AJAP1: variants seen among roughly 807,000 people sequenced by gnomAD.
AJAP1 encodes the protein adherens junctions associated protein 1.
Under a neutral mutation model 35.0 loss-of-function variants are expected in AJAP1, and 5 were observed. The ratio of observed to expected loss-of-function variants is 0.14; its 90% confidence interval spans 0.07 to 0.30. The LOEUF (loss-of-function observed/expected upper bound fraction) is 0.30, where lower values mean the gene tolerates loss of function less well. Among genes scored for constraint, AJAP1 ranks in the 10% least tolerant of loss-of-function variants. AJAP1 has a pLI of 1.00. For synonymous variants in AJAP1, 284 were observed against 249.3 expected (o/e 1.14, Z -1.31); for missense variants, 586 against 571.0 (o/e 1.03, Z -0.27).
In AJAP1 at chr1:4,789,843, T is replaced by TA. The variant is rs1242190230; in HGVS notation, c.*7359dup. The TA allele has an allele frequency of 2.0e-5, 3 of 151,008 alleles. No homozygotes were observed. In the East Asian group the frequency reaches 5.8e-4, roughly 29 times the overall value. 9.4% of individuals were successfully genotyped at this position (151,008 alleles called of 1,614,324 possible). A position where few individuals can be genotyped will look rare whatever the true frequency, so the allele number is the denominator to read the frequency against. The stretch of plus-strand genomic sequence containing the variant: ...GGCACCATTATGTACGATGAAGACT[T>TA]ACAGCCACTGCTAATACAGCATAGG... On this transcript the variant is annotated 3_prime_UTR_variant, in exon 6 of 6. Coordinates refer to ENST00000378191, the MANE Select transcript of AJAP1 (RefSeq NM_018836.4). This position sits in a 1 kb window ranked among gnomAD's most constrained non-coding sequence, Gnocchi z 4.4.
chr1:4,725,316 G>A (rs1354837051), intron 2 of AJAP1, among the ~76,000 whole-genome samples: 1 of 152,206 alleles, frequency 6.6e-6, no homozygotes, highest in East Asian at 1.9e-4. Context: ...TGTGGGGAAG[G>A]GATGTGAGTG....
intron 1 of AJAP1, among the ~76,000 whole-genome samples, chr1:4,698,276 C>G (rs867566983): frequency 4.5e-4 from 68 of 152,288 alleles, no homozygotes; most frequent in African/African-American, 1.6e-3. Flanking sequence ...ACGCCGCTGT[C>G]CCCTGAGAGC....
At chr1:4,663,855 A>G (rs1224929990) in intron 1 of AJAP1, among the ~76,000 whole-genome samples, 1 of 152,158 alleles carries the variant, frequency 6.6e-6, no homozygotes, top group African/African-American at 2.4e-5. Context: ...CCGTGTCTGC[A>G]TAGGACATGG....
At chr1:4,747,786 A>G (rs368940) in intron 2 of AJAP1, among the ~76,000 whole-genome samples, 98,757 of 151,786 alleles carry the variant, frequency 0.65, 33,007 homozygotes, top group Non-Finnish European at 0.68. Context: ...TCAGGAGTTT[A>G]AGACCAGCCT....
Position 4,701,464 on chromosome 1 carries a change from A to G in AJAP1, c.30-10436A>G, listed in dbSNP as rs189752153. On this transcript the variant is annotated intron_variant, in intron 1 of 5. Coordinates refer to ENST00000378191, the MANE Select transcript of AJAP1 (RefSeq NM_018836.4). ...GCCATGGAGAGCTGCATGGCCTGCA[A>G]GCCTCTTTCCTCTTGGAGATGAGAC... Among the ~76,000 whole-genome samples the G allele has an allele frequency of 2.1e-3, 319 of 152,248 alleles. 2 individuals carry two copies. The highest frequency in any genetic ancestry group is 7.4e-3 in the African/African-American group (306 of 41,546).
rs184150531 is a variant in AJAP1 at position 4,696,873 on chromosome 1, A to G, written c.30-15027A>G. 3.6e-4 allele frequency among the ~76,000 whole-genome samples: 55 copies of G among 151,578 alleles called. 2 individuals are homozygous for G. The highest frequency in any genetic ancestry group is 1.3e-3 in the African/African-American group (52 of 41,242). On this transcript the variant is annotated intron_variant, in intron 1 of 5. Coordinates refer to ENST00000378191, the MANE Select transcript of AJAP1 (RefSeq NM_018836.4). The stretch of plus-strand genomic sequence containing the variant: ...ATGCACACAAGATGTGTTTGTGTGT[A>G]TGCACCTGTGTTCCATGTGTGCATA...
In AJAP1 at chr1:4,784,078, G is replaced by A. The variant is rs913002582; in HGVS notation, c.*1593G>A. On this transcript the variant is annotated 3_prime_UTR_variant, in exon 6 of 6. Transcript: ENST00000378191. ...ATGGATGTTTCTGTTTTGTCACCGA[G>A]AATCCTACTATAAACTACCCAGTGG... 2 of 152,210 alleles carry A rather than the reference G, an allele frequency of 1.3e-5. No homozygotes were observed. The highest frequency in any genetic ancestry group is 4.8e-5 in the African/African-American group (2 of 41,446). The allele number at this position is 152,210 out of a possible 1,614,324, so 9.4% of individuals were successfully genotyped here.
At position 4,712,235 on chromosome 1, in the gene AJAP1, C is replaced by A; in HGVS notation, c.365C>A (p.Ala122Asp). The change falls in exon 2 of 6, where the codon GCT becomes GAT. Residue 122 changes from alanine (A) to aspartate (D), a missense_variant. Coordinates refer to ENST00000378191, the MANE Select transcript of AJAP1 (RefSeq NM_018836.4). ...VPKAGLAKPP[A>D]AAKSSPSLAS... ...AAGGCAGGACTGGCCAAGCCCCCAG[C>A]TGCTGCCAAATCCAGCCCTTCCCTC... 6.5e-7 allele frequency: 1 copy of A among 1,535,760 alleles called. No homozygotes were observed.
chr1:4,779,038 C>T (rs912006106), intron 5 of AJAP1, among the ~76,000 whole-genome samples: 14 of 152,256 alleles, frequency 9.2e-5, no homozygotes, highest in African/African-American at 3.4e-4. Flanking sequence ...AGATAAAGCT[C>T]GATGCAGATG....
Position 4,788,718 on chromosome 1 carries a change from C to T in AJAP1, c.*6233C>T, listed in dbSNP as rs1642208221. The T allele has an allele frequency of 6.6e-6, 1 of 152,240 alleles. No individual in the cohort carries two copies. The highest frequency in any genetic ancestry group is 6.5e-5 in the Admixed American group (1 of 15,280). The allele number at this position is 152,240 out of a possible 1,614,324, so 9.4% of individuals were successfully genotyped here. A position where few individuals can be genotyped will look rare whatever the true frequency, so the allele number is the denominator to read the frequency against. On this transcript the variant is annotated 3_prime_UTR_variant, in exon 6 of 6. Coordinates refer to ENST00000378191, the MANE Select transcript of AJAP1 (RefSeq NM_018836.4). ...GGTTGCAGGGAGTTAAATACATAGG[C>T]CACAGCAGACTAAGGGAGCGGTGTG...
chr1:4,711,739 G>A (rs966654091), intron 1 of AJAP1, among the ~76,000 whole-genome samples, 161 bp from the exon 2 acceptor site: 3 of 152,208 alleles, frequency 2.0e-5, no homozygotes, highest in African/African-American at 7.2e-5. Context: ...TTGAAGGAAA[G>A]GAAGGAAGGG....
At chr1:4,689,842 G>C (rs373367866) in intron 1 of AJAP1, among the ~76,000 whole-genome samples, 1 of 152,204 alleles carries the variant, frequency 6.6e-6, no homozygotes, top group Non-Finnish European at 1.5e-5. Flanking sequence ...CCCCTCTCGC[G>C]GATGCCCAGC....
At chr1:4,688,771 CAAAAA>C (rs5772177) in intron 1 of AJAP1, among the ~76,000 whole-genome samples, 950 of 87,942 alleles carry the variant, frequency 0.011, 18 homozygotes, top group African/African-American at 0.041. Context: ...GACTCCGTCT[CAAAAA>C]AAAAAAAAAA....
chr1:4,736,624 C>T (rs755168812), intron 2 of AJAP1, among the ~76,000 whole-genome samples: 1 of 152,156 alleles, frequency 6.6e-6, no homozygotes, highest in Non-Finnish European at 1.5e-5. Flanking sequence ...CCTTCAGGCC[C>T]GAGCCTTGAT....
chr1:4,687,750 C>T (rs1319917467), intron 1 of AJAP1, among the ~76,000 whole-genome samples: 1 of 152,180 alleles, frequency 6.6e-6, no homozygotes, highest in African/African-American at 2.4e-5. Context: ...GGCAGAACGC[C>T]CAGCCCAGGG....
chr1:4,734,012 C>T lies in AJAP1; in HGVS notation c.829+21313C>T, dbSNP rs61765040. Among the ~76,000 whole-genome samples the T allele has an allele frequency of 5.9e-3, 892 of 152,304 alleles. 5 individuals are homozygous for T. The highest frequency in any genetic ancestry group is 9.8e-3 in the Non-Finnish European group (667 of 68,036). On this transcript the variant is annotated intron_variant, in intron 2 of 5. Transcript: ENST00000378191. This position sits in a 1 kb window ranked among gnomAD's most constrained non-coding sequence, Gnocchi z 4.3. ...TGTGCGTCGCGAGCAGGGCCCTTGC[C>T]GGAGCTCCAATTAGCGGCTTTTGTA... is the stretch of plus-strand genomic sequence containing the variant.
chr1:4,699,709 C>T (rs898433676), intron 1 of AJAP1, among the ~76,000 whole-genome samples: 1 of 152,112 alleles, frequency 6.6e-6, no homozygotes, highest in African/African-American at 2.4e-5. Flanking sequence ...TCCCTGCAGC[C>T]GAAAACTTCC....
At chr1:4,683,363 T>C (rs531798845) in intron 1 of AJAP1, among the ~76,000 whole-genome samples, 1 of 152,316 alleles carries the variant, frequency 6.6e-6, no homozygotes, top group South Asian at 2.1e-4. Flanking sequence ...TACAGCTTCC[T>C]TGGCCCGCCC....
intron 2 of AJAP1, among the ~76,000 whole-genome samples, chr1:4,728,879 C>T (rs72859607): frequency 0.021 from 3,123 of 152,108 alleles, 98 homozygotes; most frequent in African/African-American, 0.072. Context: ...CCTATTGAAA[C>T]CAGCGTCCTG....
Sources: gnomAD v4.1 joint callset for allele counts (sites outside exome capture counted in the v4.1 genomes callset) on GRCh38, gnomAD v4.1.1 for gene constraint, Gnocchi (gnomAD v3.1) non-coding constraint, MANE v1.5 for transcripts, NCBI Gene and HGNC (gene_info 2026-07-23, HGNC 2026-07-21) for gene names.